PDE1A: variants seen among roughly 807,000 people sequenced by gnomAD.
PDE1A encodes the protein dual specificity calcium/calmodulin-dependent 3',5'-cyclic nucleotide phosphodiesterase 1A.
In PDE1A, 35 loss-of-function variants were observed where a neutral mutation model predicts 61.7. The ratio of observed to expected loss-of-function variants is 0.57; its 90% CI spans 0.43 to 0.75. The LOEUF is 0.75. PDE1A is among the 30% of genes least tolerant of loss of function. The pLI, the probability that PDE1A is intolerant of heterozygous loss-of-function variation, is 0.00. For missense variants in PDE1A, 597 were observed against 630.6 expected (o/e 0.95, Z 0.57); for synonymous variants, 232 against 213.2 (o/e 1.09, Z -0.77).
chr2:182,149,591 C>T (rs532057826), intron 13 of PDE1A, among the ~76,000 whole-genome samples: 1 of 152,268 alleles, frequency 6.6e-6, no homozygotes, highest in East Asian at 1.9e-4. Context: ...ATCCAAATTA[C>T]ATTATTTTAG....
At chr2:182,709,184 A>T in the PDE1A span, among the ~76,000 whole-genome samples, 906 of 143,788 alleles carry the variant, frequency 6.3e-3, 3 homozygotes, top group South Asian at 0.013. Context: ...AAAAAAAAAA[A>T]TTTAGAAAAA....
chr2:182,629,727 T>C, the PDE1A span, among the ~76,000 whole-genome samples: 55 of 152,336 alleles, frequency 3.6e-4, no homozygotes, highest in African/African-American at 1.3e-3. Flanking sequence ...TTGGTGCTAT[T>C]ATTTTTACTA....
chr2:182,498,607 C>T (rs1688870823), intron 2 of PDE1A, among the ~76,000 whole-genome samples: 1 of 151,868 alleles, frequency 6.6e-6, no homozygotes, highest in African/African-American at 2.4e-5. Context: ...GACTGAAAGG[C>T]ATGTATTTCC....
intron 1 of PDE1A, among the ~76,000 whole-genome samples, chr2:182,406,196 C>A (rs918267913): frequency 6.6e-6 from 1 of 151,904 alleles, no homozygotes; most frequent in Non-Finnish European, 1.5e-5. Flanking sequence ...AATAAAAGTT[C>A]AAACAAGGCC....
chr2:182,462,284 C>T (rs1574717606), intron 2 of PDE1A, among the ~76,000 whole-genome samples: 2 of 151,466 alleles, frequency 1.3e-5, no homozygotes, highest in East Asian at 3.9e-4. Context: ...TGCACATGCA[C>T]CCTAGAACTT....
intron 1 of PDE1A, among the ~76,000 whole-genome samples, chr2:182,365,157 T>A (rs1574461761): frequency 6.6e-6 from 1 of 152,152 alleles, no homozygotes; most frequent in East Asian, 1.9e-4. Flanking sequence ...TTCTTTATCA[T>A]GCAAACCAGA....
intron 1 of PDE1A, among the ~76,000 whole-genome samples, chr2:182,322,303 C>T (rs1696745073): frequency 6.6e-6 from 1 of 152,166 alleles, no homozygotes; most frequent in Admixed American, 6.5e-5. Context: ...TTGTCCCTAC[C>T]CAAATCTCAT....
Position 182,506,274 on chromosome 2 carries a change from T to C in PDE1A, c.101+16002A>G, listed in dbSNP as rs1689407750. 2.0e-5 allele frequency among the ~76,000 whole-genome samples: 3 copies of C among 152,230 alleles called. No individual in the cohort carries two copies. The South Asian group carries it at 6.2e-4, about 32-fold the overall frequency. On this transcript the variant is annotated intron_variant, in intron 2 of 14. Transcript: ENST00000410103. Reference sequence around the variant, plus strand: ...CTGTTTCTCTTTGTTCCCTATGCAATTGGTTTGATTATAAGTAGGAAATAC... The same window carrying C: ...CTGTTTCTCTTTGTTCCCTATGCAACTGGTTTGATTATAAGTAGGAAATAC...
At chr2:182,485,862 G>A (rs1325990909) in intron 2 of PDE1A, among the ~76,000 whole-genome samples, 1 of 151,944 alleles carries the variant, frequency 6.6e-6, no homozygotes, top group Non-Finnish European at 1.5e-5. Flanking sequence ...GGGCATCTAA[G>A]AGAAGCATTG....
At chr2:182,506,232 C>G (rs565225886) in intron 2 of PDE1A, among the ~76,000 whole-genome samples, 1 of 152,112 alleles carries the variant, frequency 6.6e-6, no homozygotes, top group South Asian at 2.1e-4. Context: ...GCAATCTGAT[C>G]GAATTCTTTT....
intron 2 of PDE1A, among the ~76,000 whole-genome samples, chr2:182,466,517 T>G (rs1686679500): frequency 6.6e-6 from 1 of 152,000 alleles, no homozygotes; most frequent in Non-Finnish European, 1.5e-5. Context: ...TATAGTAACA[T>G]AAGTCCACGA....
chr2:182,344,504 T>A (rs1574407753), intron 1 of PDE1A, among the ~76,000 whole-genome samples: 1 of 152,278 alleles, frequency 6.6e-6, no homozygotes, highest in Non-Finnish European at 1.5e-5. Flanking sequence ...AGCATTCGAC[T>A]CATCTTGGCT....
At chr2:182,476,017 C>G (rs1687335778) in intron 2 of PDE1A, among the ~76,000 whole-genome samples, 3 of 151,384 alleles carry the variant, frequency 2.0e-5, no homozygotes, top group Admixed American at 2.0e-4. Flanking sequence ...ATTTTTTCTC[C>G]AAAAGAACAT....
intron 2 of PDE1A, among the ~76,000 whole-genome samples, chr2:182,247,742 T>A (rs1453440353): frequency 1.3e-5 from 2 of 152,226 alleles, no homozygotes; most frequent in Non-Finnish European, 2.9e-5. Flanking sequence ...TACATTTATC[T>A]AAGACATGAA....
At chr2:182,359,390 T>G (rs931610872) in intron 1 of PDE1A, among the ~76,000 whole-genome samples, 1 of 152,124 alleles carries the variant, frequency 6.6e-6, no homozygotes, top group Non-Finnish European at 1.5e-5. Context: ...CTTGATAGGT[T>G]TTATTGAGCG....
At chr2:182,626,686 G>GA in the PDE1A span, among the ~76,000 whole-genome samples, 32 of 66,656 alleles carry the variant, frequency 4.8e-4, 3 homozygotes, top group Non-Finnish European at 5.1e-4. Flanking sequence ...TTGCCTTCGA[G>GA]AAAAAAAAAA....
chr2:182,468,933 G>A (rs539104349), intron 2 of PDE1A, among the ~76,000 whole-genome samples: 1 of 152,048 alleles, frequency 6.6e-6, no homozygotes, highest in African/African-American at 2.4e-5. Context: ...TGAGCAGTAG[G>A]TCTTAACAGT....
At chr2:182,575,412 G>A in the PDE1A span, among the ~76,000 whole-genome samples, 1 of 151,806 alleles carries the variant, frequency 6.6e-6, no homozygotes, top group Admixed American at 6.6e-5. Flanking sequence ...AGCCCAAAGT[G>A]TCCAGGTGGC....
rs534202952 is a variant in PDE1A at position 182,497,311 on chromosome 2, C to G, written c.101+24965G>C. ...GGGTGGAAACCTTAGCAAAGGATGA[C>G]AGCAGAAACAAGGGTTTCACCCTAA... On this transcript the variant is annotated intron_variant, in intron 2 of 14. Transcript: ENST00000410103. Among the ~76,000 whole-genome samples, 3 of 152,262 alleles carry G rather than the reference C, an allele frequency of 2.0e-5. No individual in the cohort carries two copies. The South Asian group carries it at 6.2e-4, about 32-fold the overall frequency.
Sources: allele counts gnomAD v4.1 joint callset (sites outside exome capture counted in the v4.1 genomes callset), GRCh38; gene constraint gnomAD v4.1.1; transcripts MANE v1.5; gene names NCBI Gene and HGNC (gene_info 2026-07-23, HGNC 2026-07-21).